TESC: variants seen among roughly 807,000 people sequenced by gnomAD.
The protein encoded by TESC is tescalcin, also known as calcineurin B homologous protein 3.
Under a neutral mutation model 31.0 loss-of-function variants are expected in TESC, and 19 were observed. That is an observed-to-expected ratio of 0.61 (90% CI 0.43 to 0.90). The LOEUF (loss-of-function observed/expected upper bound fraction) is 0.90. Among genes scored for constraint, TESC ranks in the 40% least tolerant of loss-of-function variants. The pLI, the probability that TESC is intolerant of heterozygous loss-of-function variation, is 0.00. For missense variants in TESC, 248 were observed against 303.8 expected, an observed-to-expected ratio of 0.82 and a Z score of 1.36; for synonymous variants, 109 against 114.8, an observed-to-expected ratio of 0.95 and a Z score of 0.32.
chr12:117,075,359 A>G lies in TESC; in HGVS notation c.59-19T>C, dbSNP rs1352756204. 1.2e-6 allele frequency: 2 copies of G among 1,604,716 alleles called. No individual in the cohort carries two copies. The highest frequency in any genetic ancestry group is 1.1e-5 in the South Asian group (1 of 90,952). Reference sequence around the variant, plus strand: ...GATGAGACTGAGAAGTGGGGGAAAGAGAGAAAAACAAGACAGAAAAAAAAA... The same window carrying G: ...GATGAGACTGAGAAGTGGGGGAAAGGGAGAAAAACAAGACAGAAAAAAAAA... On this transcript the variant is annotated intron_variant, in intron 1 of 7. Coordinates refer to ENST00000335209, the MANE Select transcript of TESC (RefSeq NM_017899.4).
At chr12:117,085,777 G>A (rs1478705999) in intron 1 of TESC, among the ~76,000 whole-genome samples, 1 of 152,192 alleles carries the variant, frequency 6.6e-6, no homozygotes, top group Non-Finnish European at 1.5e-5. Context: ...CCACTCAGCT[G>A]TCACCCTGAA....
rs1565959056 is a variant in TESC at position 117,046,648 on chromosome 12, ACAG to A, written c.427_429del (p.Leu143del). On this transcript the variant is annotated inframe_deletion, in exon 6 of 8. Coordinates refer to ENST00000335209, the MANE Select transcript of TESC (RefSeq NM_017899.4). Reference sequence around the variant, plus strand: ...TCCTTCTCGATGTGAGGGTTTCCCGACAGCAGCTCCTCGACCACCTGCCAGGTG... The same window carrying A: ...TCCTTCTCGATGTGAGGGTTTCCCGACAGCTCCTCGACCACCTGCCAGGTG... 1.3e-6 allele frequency: 2 copies of A among 1,551,918 alleles called. No homozygotes were observed. Among genetic ancestry groups the A allele is most frequent in the African/African-American group, 2.7e-5 (2 of 73,076 alleles).
At chr12:117,067,482 T>C (rs979149216) in intron 2 of TESC, among the ~76,000 whole-genome samples, 6 of 152,094 alleles carry the variant, frequency 3.9e-5, no homozygotes, top group Non-Finnish European at 5.9e-5. Context: ...TGAGGCAGGA[T>C]GATCGCTTGA....
At chr12:117,083,611 A>C (rs1206606333) in intron 1 of TESC, among the ~76,000 whole-genome samples, 4 of 152,248 alleles carry the variant, frequency 2.6e-5, no homozygotes, top group Non-Finnish European at 2.9e-5. Context: ...CCTTGAAATA[A>C]TCACACGATG....
At chr12:117,098,272 G>C (rs1318350433) in intron 1 of TESC, 1 of 152,358 alleles carries the variant, frequency 6.6e-6, no homozygotes, top group African/African-American at 2.4e-5. Flanking sequence ...TCTTACAACA[G>C]AGAAGGAAAG....
At chr12:117,095,495 A>G (rs148259364) in intron 1 of TESC, among the ~76,000 whole-genome samples, 2,515 of 152,320 alleles carry the variant, frequency 0.017, 225 homozygotes, top group Admixed American at 0.15. Context: ...TGAAGGTGAG[A>G]AAAAATACGG....
chr12:117,075,950 C>CATAT lies in TESC; in HGVS notation c.59-614_59-611dup, dbSNP rs113707120. On this transcript the variant is annotated intron_variant, in intron 1 of 7. Coordinates refer to ENST00000335209, the MANE Select transcript of TESC (RefSeq NM_017899.4). ...ATATATATATATATATGTATATATA[C>CATAT]ATATATATATATATATGTATGTATA... Among the ~76,000 whole-genome samples the CATAT allele has an allele frequency of 1.6e-3, 77 of 47,622 alleles. 4 individuals carry two copies. Among genetic ancestry groups the CATAT allele is most frequent in the Admixed American group, 6.6e-3 (23 of 3,490 alleles). The allele number at this position is 47,622 out of a possible 152,430, so 31.2% of individuals were successfully genotyped here.
intron 1 of TESC, among the ~76,000 whole-genome samples, chr12:117,093,236 T>C (rs938964389): frequency 6.6e-6 from 1 of 152,156 alleles, no homozygotes; most frequent in African/African-American, 2.4e-5. Context: ...TGGCAATTGG[T>C]GAATGAGCCG....
At chr12:117,062,225 T>C (rs1954809057) in intron 2 of TESC, among the ~76,000 whole-genome samples, 1 of 152,100 alleles carries the variant, frequency 6.6e-6, no homozygotes, top group African/African-American at 2.4e-5. Context: ...TTTATTTTCT[T>C]AATTTTTTTT....
intron 2 of TESC, among the ~76,000 whole-genome samples, chr12:117,063,520 C>T (rs920627211): frequency 6.6e-6 from 1 of 152,094 alleles, no homozygotes; most frequent in African/African-American, 2.4e-5. Context: ...AGCTCAGTTG[C>T]AAAGTTCTCT....
chr12:117,075,423 C>T (rs1955036823), intron 1 of TESC, 83 bp from the exon 2 acceptor site: 2 of 1,473,906 alleles, frequency 1.4e-6, no homozygotes, highest in Middle Eastern at 2.0e-4. Flanking sequence ...TATTCTTTTG[C>T]CCCATCCCCA....
intron 6 of TESC, among the ~76,000 whole-genome samples, chr12:117,042,524 C>A (rs1475653715): frequency 6.6e-6 from 1 of 152,236 alleles, no homozygotes; most frequent in East Asian, 1.9e-4. Context: ...GCCTGTGAGG[C>A]CCACGCCTCA....
intron 2 of TESC, among the ~76,000 whole-genome samples, chr12:117,067,003 C>T (rs1035060583): frequency 6.6e-6 from 1 of 152,210 alleles, no homozygotes; most frequent in Non-Finnish European, 1.5e-5. Context: ...CACCAAACTA[C>T]CCCCTTGGTG....
At chr12:117,043,139 C>T (rs1324394908) in intron 6 of TESC, among the ~76,000 whole-genome samples, 1 of 152,046 alleles carries the variant, frequency 6.6e-6, no homozygotes, top group Admixed American at 6.6e-5. Context: ...AGACCCCCAC[C>T]ATCTGCCCTG....
chr12:117,063,255 C>T (rs1010301753), intron 2 of TESC, among the ~76,000 whole-genome samples: 1 of 152,146 alleles, frequency 6.6e-6, no homozygotes, highest in East Asian at 1.9e-4. Context: ...AACCATCTTG[C>T]GCTTCCTCAC....
intron 2 of TESC, among the ~76,000 whole-genome samples, chr12:117,061,511 A>G (rs1363433441): frequency 6.6e-6 from 1 of 151,982 alleles, no homozygotes; most frequent in East Asian, 1.9e-4. Context: ...AATTAACTCA[A>G]CACAAGAGGC....
At chr12:117,052,515 T>C (rs890563865) in intron 3 of TESC, among the ~76,000 whole-genome samples, 1 of 152,158 alleles carries the variant, frequency 6.6e-6, no homozygotes, top group African/African-American at 2.4e-5. Context: ...CAGTGACTTC[T>C]GGGCCAGCCT....
At chr12:117,075,711 C>G (rs1475609992) in intron 1 of TESC, among the ~76,000 whole-genome samples, 1 of 150,902 alleles carries the variant, frequency 6.6e-6, no homozygotes, top group Non-Finnish European at 1.5e-5. Context: ...GGCTGGAGTA[C>G]ACTGGCACGA....
intron 3 of TESC, among the ~76,000 whole-genome samples, chr12:117,055,710 G>A (rs976014712): frequency 4.6e-5 from 7 of 152,184 alleles, no homozygotes; most frequent in Admixed American, 2.6e-4. Context: ...CTCTCTGGAG[G>A]GGCCCAGGAG....
Sources: allele counts gnomAD v4.1 joint callset (sites outside exome capture counted in the v4.1 genomes callset), GRCh38; gene constraint gnomAD v4.1.1; transcripts MANE v1.5; gene names NCBI Gene and HGNC (gene_info 2026-07-23, HGNC 2026-07-21).